The following CTNNBIP1 variants were observed in gnomAD, a reference collection of about 807,000 sequenced individuals.
The protein encoded by CTNNBIP1 is beta-catenin-interacting protein 1.
A neutral mutation model predicts 11.8 loss-of-function variants in CTNNBIP1; 7 were observed. That is an observed-to-expected ratio of 0.60 (90% CI 0.34 to 1.12). CTNNBIP1 has a LOEUF of 1.12. Ranked by LOEUF, CTNNBIP1 falls within the 50% of genes most tolerant of loss-of-function variation. The pLI is 0.03. For synonymous variants in CTNNBIP1, 58 were observed against 43.9 expected (o/e 1.32, Z -1.26); for missense variants, 101 against 113.4 (o/e 0.89, Z 0.50).
rs1638858507 is a variant in CTNNBIP1 at position 9,871,393 on chromosome 1, C to T, written c.97-116G>A. 2.6e-6 allele frequency: 2 copies of T among 766,354 alleles called. No homozygotes were observed. The highest frequency in any genetic ancestry group is 4.4e-6 in the Non-Finnish European group (2 of 458,036). The allele number at this position is 766,354 out of a possible 1,614,324, so 47.5% of individuals were successfully genotyped here. ...GGTCCCTGCTTGGTCCCTGCTCGGGCTTCTGTTTCTGAGATTTGACCCCTT... is the reference window on the plus strand; with the variant it reads ...GGTCCCTGCTTGGTCCCTGCTCGGGTTTCTGTTTCTGAGATTTGACCCCTT... On this transcript the variant is annotated intron_variant, in intron 4 of 5. Coordinates refer to ENST00000377263, the MANE Select transcript of CTNNBIP1 (RefSeq NM_020248.3). This position sits in a 1 kb window ranked among gnomAD's most constrained non-coding sequence, Gnocchi z 5.2.
At chr1:9,898,864 GTAAA>G (rs1309650133) in intron 1 of CTNNBIP1, among the ~76,000 whole-genome samples, 2 of 152,134 alleles carry the variant, frequency 1.3e-5, no homozygotes, top group Non-Finnish European at 2.9e-5. Context: ...TAAATACTAT[GTAAA>G]TAGTTATACT....
At position 9,910,205 on chromosome 1, in the gene CTNNBIP1, T is replaced by TAGCAGCAGCAGG. The variant is rs1166648338; in HGVS notation, c.-266_-255dup. 1 of 147,134 alleles carries TAGCAGCAGCAGG rather than the reference T, an allele frequency of 6.8e-6. No homozygotes were observed. The highest frequency in any genetic ancestry group is 1.5e-5 in the Non-Finnish European group (1 of 66,048). The allele number at this position is 147,134 out of a possible 1,614,324, so 9.1% of individuals were successfully genotyped here. On this transcript the variant is annotated 5_prime_UTR_variant, in exon 1 of 6. Coordinates refer to ENST00000377263, the MANE Select transcript of CTNNBIP1 (RefSeq NM_020248.3). Reference sequence around the variant, plus strand: ...CGAGCAGCCGCTGCGGCGGCGGCAGTAGCAGCAGCAGGAGCGGCCGCCTCA... The same window carrying TAGCAGCAGCAGG: ...CGAGCAGCCGCTGCGGCGGCGGCAGTAGCAGCAGCAGGAGCAGCAGCAGGAGCGGCCGCCTCA...
chr1:9,873,822 C>T (rs1321500390), intron 3 of CTNNBIP1, among the ~76,000 whole-genome samples: 1 of 152,176 alleles, frequency 6.6e-6, no homozygotes, highest in African/African-American at 2.4e-5. Context: ...GCTGCCTCAA[C>T]CTGCTGGGCT....
chr1:9,856,726 C>T (rs1044586318), intron 5 of CTNNBIP1, among the ~76,000 whole-genome samples: 20 of 150,704 alleles, frequency 1.3e-4, no homozygotes, highest in African/African-American at 4.1e-4. Context: ...GTTGGCCAGG[C>T]GGGTCTCAAA....
At chr1:9,874,857 A>C (rs754372928) in intron 3 of CTNNBIP1, among the ~76,000 whole-genome samples, 2 of 152,170 alleles carry the variant, frequency 1.3e-5, no homozygotes, top group Non-Finnish European at 2.9e-5. Flanking sequence ...AAGGACTCAC[A>C]CTTTCAAAGT....
intron 5 of CTNNBIP1, among the ~76,000 whole-genome samples, chr1:9,869,633 C>T (rs1314407183): frequency 2.0e-5 from 3 of 152,174 alleles, no homozygotes; most frequent in East Asian, 1.9e-4. Context: ...CCTGTTGCTG[C>T]TTTTTATACT....
chr1:9,862,472 C>A (rs1638651200), intron 5 of CTNNBIP1, among the ~76,000 whole-genome samples: 1 of 152,238 alleles, frequency 6.6e-6, no homozygotes, highest in South Asian at 2.1e-4. Flanking sequence ...GCTCATCTGG[C>A]AGGCATTCTG....
Position 9,865,376 on chromosome 1 carries a change from G to C in CTNNBIP1, c.187+5811C>G, listed in dbSNP as rs747916826. ...AGCACTTTGGGGGGCCGAAGCAGGT[G>C]GATCACGAGGTCAGGAGATTGAGAC... is the stretch of plus-strand genomic sequence containing the variant. On this transcript the variant is annotated intron_variant, in intron 5 of 5. Coordinates refer to ENST00000377263, the MANE Select transcript of CTNNBIP1 (RefSeq NM_020248.3). 3.9e-5 allele frequency among the ~76,000 whole-genome samples: 6 copies of C among 152,276 alleles called. No individual in the cohort carries two copies. In the South Asian group the frequency reaches 1.0e-3, roughly 26 times the overall value.
At chr1:9,868,411 C>T (rs1438807992) in intron 5 of CTNNBIP1, among the ~76,000 whole-genome samples, 1 of 152,248 alleles carries the variant, frequency 6.6e-6, no homozygotes, top group African/African-American at 2.4e-5. Flanking sequence ...GCAAGGTCAA[C>T]AGCTAAGTGG....
intron 1 of CTNNBIP1, among the ~76,000 whole-genome samples, chr1:9,903,389 G>A (rs984978560): frequency 1.3e-5 from 2 of 152,118 alleles, no homozygotes; most frequent in African/African-American, 4.8e-5. Context: ...ACACAACCAT[G>A]AAAAATGGAG....
chr1:9,865,367 G>A (rs1198843873), intron 5 of CTNNBIP1, among the ~76,000 whole-genome samples: 1 of 152,096 alleles, frequency 6.6e-6, no homozygotes, highest in Admixed American at 6.6e-5. Context: ...TTGGGGGGCC[G>A]AAGCAGGTGG....
Position 9,871,993 on chromosome 1 carries a change from G to A in CTNNBIP1, c.72C>T (p.Leu24=), listed in dbSNP as rs146431873. The A allele has an allele frequency of 6.5e-5, 105 of 1,614,112 alleles. No homozygotes were observed. In the African/African-American group the frequency reaches 1.2e-3, roughly 18 times the overall value. ...MYIQQKVRVL[L]MLRKMGSNLT... ...CGTTTGATCCCATCTTCCGCAGCATGAGCAGCACTCGGACCTTCTGCTGAA... is the reference window on the plus strand; with the variant it reads ...CGTTTGATCCCATCTTCCGCAGCATAAGCAGCACTCGGACCTTCTGCTGAA... Residue 24 remains leucine (L), a synonymous_variant, in exon 4 of 6, where the codon CTC becomes CTT. Coordinates refer to ENST00000377263, the MANE Select transcript of CTNNBIP1 (RefSeq NM_020248.3). The surrounding 1 kb of genome is among the most constrained non-coding windows in gnomAD (Gnocchi z 5.2).
At chr1:9,889,401 C>T (rs187322508) in intron 1 of CTNNBIP1, among the ~76,000 whole-genome samples, 14 of 152,286 alleles carry the variant, frequency 9.2e-5, no homozygotes, top group Non-Finnish European at 1.6e-4. Flanking sequence ...ATTATCCAGC[C>T]CCACGTCTGG....
chr1:9,873,967 G>A (rs1638915331), intron 3 of CTNNBIP1, among the ~76,000 whole-genome samples: 1 of 152,036 alleles, frequency 6.6e-6, no homozygotes, highest in African/African-American at 2.4e-5. Context: ...TCAAACTCCT[G>A]GGCTCAAGTG....
chr1:9,865,620 C>CA (rs1436533174), intron 5 of CTNNBIP1, among the ~76,000 whole-genome samples: 1 of 151,176 alleles, frequency 6.6e-6, no homozygotes, highest in Non-Finnish European at 1.5e-5. Context: ...CAAAACAAAA[C>CA]AAAAAAACAA....
At position 9,886,343 on chromosome 1, in the gene CTNNBIP1, C is replaced by T. The variant is rs556667240; in HGVS notation, c.-143-2605G>A. 5.9e-5 allele frequency among the ~76,000 whole-genome samples: 9 copies of T among 152,290 alleles called. 1 individual carries two copies. The South Asian group carries it at 1.4e-3, about 25-fold the overall frequency. ...GCAGAAGCTGAGAGGCATTCCTGGCCTCCACCCACTAGATGCCAGTAGCAG... is the reference window on the plus strand; with the variant it reads ...GCAGAAGCTGAGAGGCATTCCTGGCTTCCACCCACTAGATGCCAGTAGCAG... On this transcript the variant is annotated intron_variant, in intron 1 of 5. Transcript: ENST00000377263.
intron 5 of CTNNBIP1, among the ~76,000 whole-genome samples, chr1:9,864,101 G>GGGGGAACCTTCCCTGGAAAGTGTCTT (rs1638691027): frequency 1.3e-5 from 2 of 152,202 alleles, no homozygotes; most frequent in African/African-American, 2.4e-5. Context: ...GGCCGCAGCT[G>GGGGGAACCTTCCCTGGAAAGTGTCTT]GGGGAACCTT....
At chr1:9,850,819 T>C (rs1638367209) in intron 5 of CTNNBIP1, 43 bp from the exon 6 acceptor site, 3 of 1,595,218 alleles carry the variant, frequency 1.9e-6, no homozygotes, top group African/African-American at 1.3e-5. Flanking sequence ...GCTTGCAGCA[T>C]TGGCTTGCGA....
In CTNNBIP1 at chr1:9,859,132, C is replaced by A. The variant is rs1478872336; in HGVS notation, c.188-8356G>T. ...CCCTGCCCCCAACTGGTCCCCACTC[C>A]TATCTCCCCTGAGCCCTGCTCCCTA... On this transcript the variant is annotated intron_variant, in intron 5 of 5. Coordinates refer to ENST00000377263, the MANE Select transcript of CTNNBIP1 (RefSeq NM_020248.3). Among the ~76,000 whole-genome samples, 3 of 152,194 alleles carry A rather than the reference C, an allele frequency of 2.0e-5. No individual in the cohort carries two copies. The South Asian group carries it at 6.2e-4, about 32-fold the overall frequency.
Sources: gnomAD v4.1 joint callset for allele counts (sites outside exome capture counted in the v4.1 genomes callset) on GRCh38, gnomAD v4.1.1 for gene constraint, Gnocchi (gnomAD v3.1) non-coding constraint, MANE v1.5 for transcripts, NCBI Gene and HGNC (gene_info 2026-07-23, HGNC 2026-07-21) for gene names.